The following CADM1 variants were observed in gnomAD, a reference collection of about 807,000 sequenced individuals.
CADM1 encodes the protein cell adhesion molecule 1.
A neutral mutation model predicts 53.1 loss-of-function variants in CADM1; 15 were observed. The observed-to-expected ratio is 0.28, with a 90% confidence interval of 0.19 to 0.44. The LOEUF is 0.44. Among genes scored for constraint, CADM1 ranks in the 20% least tolerant of loss-of-function variants. The probability of loss-of-function intolerance (pLI) is 1.00; values close to 1 mark genes in which losing one functional copy is unlikely to be tolerated. For synonymous variants in CADM1, 281 were observed against 243.0 expected (o/e 1.16, Z -1.45); for missense variants, 434 against 611.3 (o/e 0.71, Z 3.06).
intron 5 of CADM1, among the ~76,000 whole-genome samples, chr11:115,222,603 ATAGTACTGAAACTGG>A (rs45571238): frequency 0.2 from 30,600 of 152,148 alleles, 3,814 homozygotes; most frequent in South Asian, 0.36. Flanking sequence ...GTTATGACTC[ATAGTACTGAAACTGG>A]GCTTCCTGAA....
At chr11:115,203,883 A>C (rs1940555133) in intron 8 of CADM1, among the ~76,000 whole-genome samples, 1 of 152,192 alleles carries the variant, frequency 6.6e-6, no homozygotes, top group African/African-American at 2.4e-5. Flanking sequence ...TAGACACTTA[A>C]GACAGTATGA....
intron 1 of CADM1, among the ~76,000 whole-genome samples, chr11:115,282,792 G>A (rs1453806233): frequency 1.3e-5 from 2 of 152,186 alleles, no homozygotes; most frequent in African/African-American, 4.8e-5. Context: ...GGAACAGTCA[G>A]GATCTTGGCA....
rs12291513 is a variant in CADM1 at position 115,409,428 on chromosome 11, T to G, written c.124+94843A>C. ...TTTTTTTTGTTTTGTTTTGTCTTTC[T>G]TTTCTTTCATTGTTAAATATTAGCA... On this transcript the variant is annotated intron_variant, in intron 1 of 11. Coordinates refer to ENST00000331581, the MANE Select transcript of CADM1 (RefSeq NM_001301043.2). Among the ~76,000 whole-genome samples the G allele has an allele frequency of 5.0e-3, 765 of 152,290 alleles. 7 individuals carry two copies. The highest frequency in any genetic ancestry group is 0.018 in the African/African-American group (735 of 41,564).
rs1359250352 is a variant in CADM1, at chr11:115,267,351, G to A, written c.125-26931C>T. 2.6e-5 allele frequency among the ~76,000 whole-genome samples: 4 copies of A among 152,158 alleles called. No individual in the cohort carries two copies. The South Asian group carries it at 6.2e-4, about 24-fold the overall frequency. Reference sequence around the variant, plus strand: ...TCTTTTGGATGCTAATGTATTTCAGGTGCTGAGCCTTTTCCACAAGCCAAG... The same window carrying A: ...TCTTTTGGATGCTAATGTATTTCAGATGCTGAGCCTTTTCCACAAGCCAAG... On this transcript the variant is annotated intron_variant, in intron 1 of 11. Coordinates refer to ENST00000331581, the MANE Select transcript of CADM1 (RefSeq NM_001301043.2).
intron 1 of CADM1, among the ~76,000 whole-genome samples, chr11:115,404,714 C>T (rs973448403): frequency 1.3e-5 from 2 of 151,008 alleles, no homozygotes; most frequent in African/African-American, 2.4e-5. Flanking sequence ...TCAAGAAGGC[C>T]AGGCACTGTG....
chr11:115,340,658 A>ATTTTTTTTTTTTTTT (rs869273547), intron 1 of CADM1, among the ~76,000 whole-genome samples: 1 of 34,938 alleles, frequency 2.9e-5, no homozygotes, highest in African/African-American at 1.4e-4. Context: ...ATATATATAT[A>ATTTTTTTTTTTTTTT]TTTTTTTTTT....
At chr11:115,242,852 C>T (rs1467014883) in intron 1 of CADM1, among the ~76,000 whole-genome samples, 1 of 152,158 alleles carries the variant, frequency 6.6e-6, no homozygotes, top group Non-Finnish European at 1.5e-5. Context: ...AAGCCAGTTG[C>T]AATTCAATTA....
chr11:115,361,135 TA>T (rs1474774777), intron 1 of CADM1, among the ~76,000 whole-genome samples: 3 of 151,972 alleles, frequency 2.0e-5, no homozygotes, highest in African/African-American at 7.2e-5. Context: ...AAATGGAAAA[TA>T]AAAAAGTACC....
chr11:115,199,770 C>G (rs937269816), intron 8 of CADM1, among the ~76,000 whole-genome samples: 3 of 152,178 alleles, frequency 2.0e-5, no homozygotes, highest in African/African-American at 7.2e-5. Flanking sequence ...TATCTCTAGT[C>G]AAATGGTGGT....
intron 1 of CADM1, among the ~76,000 whole-genome samples, chr11:115,361,177 C>G (rs1946019692): frequency 6.6e-6 from 1 of 152,224 alleles, no homozygotes; most frequent in Non-Finnish European, 1.5e-5. Context: ...AGACAACATA[C>G]AACATTGAAT....
intron 1 of CADM1, among the ~76,000 whole-genome samples, chr11:115,252,034 GA>G: frequency 6.6e-6 from 1 of 152,174 alleles, no homozygotes; most frequent in Non-Finnish European, 1.5e-5. Context: ...AATCATCACT[GA>G]AATTAGAGAT....
chr11:115,253,707 T>C (rs763117107), intron 1 of CADM1, among the ~76,000 whole-genome samples: 3 of 152,196 alleles, frequency 2.0e-5, no homozygotes, highest in Admixed American at 6.5e-5. Context: ...AGCGGAAAAC[T>C]GACCATGGAG....
intron 1 of CADM1, among the ~76,000 whole-genome samples, chr11:115,273,106 C>T (rs913627565): frequency 6.6e-6 from 1 of 152,232 alleles, no homozygotes; most frequent in African/African-American, 2.4e-5. Flanking sequence ...CACATGAACA[C>T]AGTAGATATC....
intron 1 of CADM1, among the ~76,000 whole-genome samples, chr11:115,268,268 T>C (rs559151857): frequency 1.3e-5 from 2 of 152,320 alleles, no homozygotes; most frequent in South Asian, 2.1e-4. Flanking sequence ...CTTGATTTTT[T>C]ACACTTGAGC....
At chr11:115,179,164 C>T (rs900084009) in intron 10 of CADM1, 5 of 305,580 alleles carry the variant, frequency 1.6e-5, no homozygotes, top group Non-Finnish European at 2.6e-5. Flanking sequence ...CTTTAGGCAA[C>T]AGAAGGGTAC....
chr11:115,405,644 A>C (rs764351010), intron 1 of CADM1, among the ~76,000 whole-genome samples: 3 of 152,234 alleles, frequency 2.0e-5, no homozygotes, highest in Non-Finnish European at 4.4e-5. Flanking sequence ...ATAGCAGTGA[A>C]AATAAGTGTA....
Position 115,174,474 on chromosome 11 carries a change from T to A in CADM1, c.*2000A>T, listed in dbSNP as rs1938927908. On this transcript the variant is annotated 3_prime_UTR_variant, in exon 12 of 12. Transcript: ENST00000331581. ...ATTGTGGCTTTTTGTCTTGGTTAAG[T>A]GCCTAGGGATAGGGGAGGGGTAAAT... 1.0e-6 allele frequency: 1 copy of A among 985,644 alleles called. No homozygotes were observed. The highest frequency in any genetic ancestry group is 1.2e-6 in the Non-Finnish European group (1 of 829,910). The allele number at this position is 985,644 out of a possible 1,614,324, so 61.1% of individuals were successfully genotyped here. A position where few individuals can be genotyped will look rare whatever the true frequency, so the allele number is the denominator to read the frequency against.
chr11:115,209,902 AAG>A (rs941471571), intron 7 of CADM1, among the ~76,000 whole-genome samples: 2 of 152,328 alleles, frequency 1.3e-5, no homozygotes, highest in African/African-American at 4.8e-5. Context: ...AGGAGATGTG[AAG>A]AGAGGGGAGG....
chr11:115,434,129 T>A (rs1269315587), intron 1 of CADM1, among the ~76,000 whole-genome samples: 1 of 152,178 alleles, frequency 6.6e-6, no homozygotes, highest in Non-Finnish European at 1.5e-5. Context: ...AGTAAGGACT[T>A]TCACACTGGC....
Sources: allele counts gnomAD v4.1 joint callset (sites outside exome capture counted in the v4.1 genomes callset), GRCh38; gene constraint gnomAD v4.1.1; transcripts MANE v1.5; gene names NCBI Gene and HGNC (gene_info 2026-07-23, HGNC 2026-07-21).